WDR72: variants seen among roughly 807,000 people sequenced by gnomAD.
The protein encoded by WDR72 is WD repeat-containing protein 72.
In WDR72, 120 loss-of-function variants were observed where a neutral mutation model predicts 124.2. That is an observed-to-expected ratio of 0.97 (90% confidence interval 0.83 to 1.12). The LOEUF (loss-of-function observed/expected upper bound fraction) is 1.12, where lower values mean the gene tolerates loss of function less well. Ranked by LOEUF, WDR72 falls within the 50% of genes most tolerant of loss-of-function variation. The pLI is 0.00. For missense variants in WDR72, 1,387 were observed against 1,278.8 expected (o/e 1.08, Z -1.29); for synonymous variants, 452 against 441.7 (o/e 1.02, Z -0.29).
At chr15:53,518,730 T>G (rs1324000185) in intron 19 of WDR72, among the ~76,000 whole-genome samples, 1 of 151,828 alleles carries the variant, frequency 6.6e-6, no homozygotes, top group Non-Finnish European at 1.5e-5. Context: ...TGTTACCTGA[T>G]TTTTGCTGGT....
intron 18 of WDR72, among the ~76,000 whole-genome samples, chr15:53,539,258 C>T (rs958429698): frequency 3.9e-5 from 6 of 152,032 alleles, no homozygotes; most frequent in African/African-American, 1.4e-4. Flanking sequence ...CTTTAGATAA[C>T]TAGAATAATT....
At chr15:53,637,712 A>C (rs2014677084) in intron 14 of WDR72, among the ~76,000 whole-genome samples, 1 of 151,980 alleles carries the variant, frequency 6.6e-6, no homozygotes, top group Non-Finnish European at 1.5e-5. Flanking sequence ...CTCAGCTTCT[A>C]TCCCAAATCC....
chr15:53,654,265 C>A (rs955532908), intron 14 of WDR72, among the ~76,000 whole-genome samples: 1 of 152,152 alleles, frequency 6.6e-6, no homozygotes, highest in Non-Finnish European at 1.5e-5. Context: ...ATCATTCATA[C>A]ATAACGAGAC....
At chr15:53,668,996 A>G (rs8031476) in intron 13 of WDR72, among the ~76,000 whole-genome samples, 86 of 105,104 alleles carry the variant, frequency 8.2e-4, no homozygotes, top group South Asian at 3.7e-3. Context: ...AAGGAGGAGG[A>G]GAAGGAGAAG....
At chr15:53,630,516 G>A (rs1021659636) in intron 14 of WDR72, among the ~76,000 whole-genome samples, 4 of 152,004 alleles carry the variant, frequency 2.6e-5, no homozygotes, top group Admixed American at 1.3e-4. Flanking sequence ...TTTACACCAT[G>A]AACAACTAGA....
chr15:53,753,133 C>T (rs2140898525), intron 1 of WDR72, among the ~76,000 whole-genome samples: 1 of 152,348 alleles, frequency 6.6e-6, no homozygotes, highest in East Asian at 1.9e-4. Context: ...CTGTGTTCTT[C>T]CAAGGACTAG....
At position 53,585,447 on chromosome 15, in the gene WDR72, C is replaced by T. The variant is rs144716934; in HGVS notation, c.3148+11632G>A. ...GGAATTACAGATCCCTCCCTCAGCACGTGGGGATTACAGTTAGAGATGAGA... is the reference window on the plus strand; with the variant it reads ...GGAATTACAGATCCCTCCCTCAGCATGTGGGGATTACAGTTAGAGATGAGA... On this transcript the variant is annotated intron_variant, in intron 18 of 19. Coordinates refer to ENST00000360509, the MANE Select transcript of WDR72 (RefSeq NM_182758.4). Among the ~76,000 whole-genome samples, 435 of 152,052 alleles carry T rather than the reference C, an allele frequency of 2.9e-3. 1 individual carries two copies. The highest frequency in any genetic ancestry group is 8.8e-3 in the African/African-American group (365 of 41,506).
chr15:53,621,662 C>T (rs184546777), intron 14 of WDR72, among the ~76,000 whole-genome samples: 23 of 151,734 alleles, frequency 1.5e-4, no homozygotes, highest in African/African-American at 4.8e-4. Context: ...AAGGGGATGA[C>T]GAATAAAAGA....
chr15:53,625,351 A>T lies in WDR72; in HGVS notation c.1963-9108T>A, dbSNP rs542277835. On this transcript the variant is annotated intron_variant, in intron 14 of 19. Transcript: ENST00000360509. The stretch of plus-strand genomic sequence containing the variant: ...GATTTCCAGGTATTGCATCATAGAC[A>T]AGGTCCTGGTATTTTCCTCAAAAAT... Among the ~76,000 whole-genome samples the T allele has an allele frequency of 6.6e-5, 10 of 152,314 alleles. 1 individual carries two copies. Among genetic ancestry groups the T allele is most frequent in the African/African-American group, 2.4e-4 (10 of 41,568 alleles).
intron 14 of WDR72, among the ~76,000 whole-genome samples, chr15:53,648,884 A>G (rs901185761): frequency 6.6e-6 from 1 of 152,112 alleles, no homozygotes; most frequent in Non-Finnish European, 1.5e-5. Context: ...ACCTTAAAAA[A>G]GTAAGAAGCA....
intron 18 of WDR72, among the ~76,000 whole-genome samples, chr15:53,556,178 C>A (rs1427435461): frequency 6.6e-6 from 1 of 152,038 alleles, no homozygotes; most frequent in Non-Finnish European, 1.5e-5. Context: ...TGAGGCAATA[C>A]AATGTCCATC....
intron 13 of WDR72, chr15:53,684,527 G>A (rs867620302): frequency 6.2e-6 from 1 of 162,092 alleles, no homozygotes; most frequent in African/African-American, 2.4e-5. Flanking sequence ...CGCACCACGA[G>A]ATTATATCCT....
chr15:53,538,227 A>C (rs1275736584), intron 18 of WDR72, among the ~76,000 whole-genome samples: 1 of 152,196 alleles, frequency 6.6e-6, no homozygotes, highest in East Asian at 1.9e-4. Flanking sequence ...GTATGTGCAC[A>C]ATCAAATTTC....
At chr15:53,627,626 TG>T (rs1047781712) in intron 14 of WDR72, among the ~76,000 whole-genome samples, 3 of 152,216 alleles carry the variant, frequency 2.0e-5, no homozygotes, top group African/African-American at 7.2e-5. Context: ...AAGTTAGGCC[TG>T]TGGAAAGCTT....
At chr15:53,584,138 A>AATAT (rs1310075761) in intron 18 of WDR72, among the ~76,000 whole-genome samples, 1 of 152,088 alleles carries the variant, frequency 6.6e-6, no homozygotes, top group African/African-American at 2.4e-5. Context: ...CAAACTTGTC[A>AATAT]ATAAATGGTA....
rs570803448 is a variant in WDR72 at position 53,620,872 on chromosome 15, G to A, written c.1963-4629C>T. Among the ~76,000 whole-genome samples the A allele has an allele frequency of 9.3e-4, 141 of 152,108 alleles. 2 individuals are homozygous for A. Among genetic ancestry groups the A allele is most frequent in the Admixed American group, 6.5e-3 (99 of 15,250 alleles). On this transcript the variant is annotated intron_variant, in intron 14 of 19. Transcript: ENST00000360509. ...GCAGAGTAAACAGATAACCCATAGA[G>A]TGGGAGAAAATCTTTACAATCTATA...
At chr15:53,684,156 G>A (rs2016507743) in intron 13 of WDR72, 1 of 152,156 alleles carries the variant, frequency 6.6e-6, no homozygotes, top group South Asian at 2.1e-4. Context: ...CTTTAACAAT[G>A]ATTTTCTGCA....
chr15:53,533,246 A>G (rs536997408), intron 18 of WDR72, among the ~76,000 whole-genome samples: 2 of 152,308 alleles, frequency 1.3e-5, no homozygotes, highest in African/African-American at 4.8e-5. Flanking sequence ...ATATAAGAGT[A>G]TCTCAAGAAG....
chr15:53,530,315 T>G (rs966366325), intron 18 of WDR72, among the ~76,000 whole-genome samples: 19 of 151,664 alleles, frequency 1.3e-4, no homozygotes, highest in Admixed American at 1.1e-3. Flanking sequence ...ATACAGATAA[T>G]GAAGAAAAAG....
Sources: allele counts gnomAD v4.1 joint callset (sites outside exome capture counted in the v4.1 genomes callset), GRCh38; gene constraint gnomAD v4.1.1; transcripts MANE v1.5; gene names NCBI Gene and HGNC (gene_info 2026-07-23, HGNC 2026-07-21).